Variants in THSD4 observed in about 807,000 individuals in gnomAD.
THSD4 encodes thrombospondin type-1 domain-containing protein 4.
In THSD4, 69 loss-of-function variants were observed where a neutral mutation model predicts 119.0. The ratio of observed to expected loss-of-function variants is 0.58; its 90% CI spans 0.48 to 0.71. THSD4 has a LOEUF of 0.71. Among genes scored for constraint, THSD4 ranks in the 30% least tolerant of loss-of-function variants. The pLI, the probability that THSD4 is intolerant of heterozygous loss-of-function variation, is 0.00. For missense variants in THSD4, 1,393 were observed against 1,391.1 expected (o/e 1.00, Z -0.02); for synonymous variants, 524 against 540.4 (o/e 0.97, Z 0.42).
chr15:71,446,033 C>A (rs2047176167), intron 7 of THSD4, among the ~76,000 whole-genome samples: 1 of 152,176 alleles, frequency 6.6e-6, no homozygotes, highest in Admixed American at 6.5e-5. Context: ...TTTCCTTCAA[C>A]TCTCCCAAAA....
chr15:71,293,905 C>G (rs1351619979), intron 6 of THSD4, among the ~76,000 whole-genome samples: 1 of 151,996 alleles, frequency 6.6e-6, no homozygotes, highest in African/African-American at 2.4e-5. Context: ...ACAGTCCCTC[C>G]CAGTGGCTGC....
chr15:71,519,308 A>G (rs2048405418), intron 7 of THSD4, among the ~76,000 whole-genome samples: 1 of 152,184 alleles, frequency 6.6e-6, no homozygotes, highest in African/African-American at 2.4e-5. Flanking sequence ...CTCCAAGTGT[A>G]ATGGGACACC....
Position 71,777,805 on chromosome 15 carries a change from A to C in THSD4, c.*431A>C, listed in dbSNP as rs764659501. On this transcript the variant is annotated 3_prime_UTR_variant, in exon 18 of 18. Transcript: ENST00000261862. Reference sequence around the variant, plus strand: ...TCCAAGGAGGCAGCGCCCCCAACCCAGCGCCCCACTAAGCCTTGCTGACAC... The same window carrying C: ...TCCAAGGAGGCAGCGCCCCCAACCCCGCGCCCCACTAAGCCTTGCTGACAC... 2.1e-5 allele frequency: 4 copies of C among 189,072 alleles called. No individual in the cohort carries two copies. Among genetic ancestry groups the C allele is most frequent in the Non-Finnish European group, 3.4e-5 (3 of 88,702 alleles). 11.7% of individuals were successfully genotyped at this position (189,072 alleles called of 1,614,324 possible).
intron 6 of THSD4, among the ~76,000 whole-genome samples, chr15:71,287,830 A>G (rs2044737124): frequency 6.6e-6 from 1 of 152,214 alleles, no homozygotes; most frequent in Admixed American, 6.5e-5. Context: ...TCTTGGATTG[A>G]TAAACCATGT....
intron 6 of THSD4, among the ~76,000 whole-genome samples, chr15:71,383,382 C>T (rs918711055): frequency 2.6e-5 from 4 of 152,144 alleles, no homozygotes; most frequent in African/African-American, 9.7e-5. Flanking sequence ...ATCTCAAAGG[C>T]ACGGAACTGA....
intron 5 of THSD4, among the ~76,000 whole-genome samples, chr15:71,244,335 T>A (rs1442786): frequency 0.13 from 19,291 of 152,230 alleles, 1,531 homozygotes; most frequent in Middle Eastern, 0.2. Context: ...TCTGAGCCAG[T>A]ATATTTTTCA....
intron 6 of THSD4, among the ~76,000 whole-genome samples, chr15:71,359,310 C>G (rs538411211): frequency 8.3e-4 from 126 of 152,236 alleles, no homozygotes; most frequent in Non-Finnish European, 1.5e-3. Flanking sequence ...TCTTATTAAT[C>G]TTGAGTTATC....
intron 7 of THSD4, among the ~76,000 whole-genome samples, chr15:71,542,295 T>C (rs1285223098): frequency 6.6e-6 from 1 of 152,194 alleles, no homozygotes; most frequent in African/African-American, 2.4e-5. Context: ...TTTTAACATA[T>C]GTTGGAATAT....
intron 7 of THSD4, among the ~76,000 whole-genome samples, chr15:71,461,391 A>G (rs778620736): frequency 6.6e-6 from 1 of 152,196 alleles, no homozygotes; most frequent in Non-Finnish European, 1.5e-5. Flanking sequence ...CATCTCTGCA[A>G]TCTTATTGGT....
At chr15:71,566,537 G>A (rs2049243336) in intron 7 of THSD4, among the ~76,000 whole-genome samples, 1 of 152,152 alleles carries the variant, frequency 6.6e-6, no homozygotes, top group African/African-American at 2.4e-5. Context: ...GGAGTCCTCA[G>A]CCATGTTGAG....
intron 8 of THSD4, among the ~76,000 whole-genome samples, chr15:71,664,225 G>A (rs8033519): frequency 0.25 from 38,559 of 151,606 alleles, 5,903 homozygotes; most frequent in East Asian, 0.74. Flanking sequence ...CTCGTGATCC[G>A]CCCGCCTCAG....
chr15:71,661,481 C>T (rs770746678), intron 8 of THSD4, among the ~76,000 whole-genome samples: 3 of 151,780 alleles, frequency 2.0e-5, no homozygotes, highest in African/African-American at 4.8e-5. Flanking sequence ...CTGCAGCCTC[C>T]GCCTCCCAGG....
At chr15:71,663,208 T>C (rs1042628038) in intron 8 of THSD4, among the ~76,000 whole-genome samples, 1 of 151,774 alleles carries the variant, frequency 6.6e-6, no homozygotes, top group Non-Finnish European at 1.5e-5. Flanking sequence ...GTTGTAATCG[T>C]GCCACTGCAC....
intron 8 of THSD4, among the ~76,000 whole-genome samples, chr15:71,678,865 C>T (rs1191025822): frequency 3.9e-5 from 6 of 152,148 alleles, no homozygotes; most frequent in African/African-American, 1.4e-4. Flanking sequence ...TCACATAGCC[C>T]CACCCTTTAA....
At chr15:71,377,672 G>A (rs1166765524) in intron 6 of THSD4, among the ~76,000 whole-genome samples, 2 of 152,118 alleles carry the variant, frequency 1.3e-5, no homozygotes, top group Non-Finnish European at 2.9e-5. Flanking sequence ...GGGTGCAGTG[G>A]GCCATTCTGT....
At chr15:71,174,933 G>A (rs1233075045) in intron 3 of THSD4, among the ~76,000 whole-genome samples, 2 of 151,366 alleles carry the variant, frequency 1.3e-5, no homozygotes, top group Non-Finnish European at 3.0e-5. Flanking sequence ...GGTCCTGTTT[G>A]TTAGAAGGAA....
chr15:71,472,484 A>G (rs1004442863), intron 7 of THSD4, among the ~76,000 whole-genome samples: 3 of 152,168 alleles, frequency 2.0e-5, no homozygotes, highest in African/African-American at 7.2e-5. Flanking sequence ...CTGTCCCTGC[A>G]AGCCTTTAAT....
At chr15:71,446,504 G>A (rs531047951) in intron 7 of THSD4, among the ~76,000 whole-genome samples, 1 of 152,258 alleles carries the variant, frequency 6.6e-6, no homozygotes, top group African/African-American at 2.4e-5. Context: ...TTCCAAACAA[G>A]TCATCTTTTG....
At chr15:71,453,638 C>T (rs1377608875) in intron 7 of THSD4, among the ~76,000 whole-genome samples, 2 of 152,360 alleles carry the variant, frequency 1.3e-5, no homozygotes, top group African/African-American at 2.4e-5. Context: ...AGTTGAATTA[C>T]ACTACAACAA....
Sources: allele counts gnomAD v4.1 joint callset (sites outside exome capture counted in the v4.1 genomes callset), GRCh38; gene constraint gnomAD v4.1.1; transcripts MANE v1.5; gene names NCBI Gene and HGNC (gene_info 2026-07-23, HGNC 2026-07-21).